NDST4: variants seen among roughly 807,000 people sequenced by gnomAD.
The protein encoded by NDST4 is N-heparan sulfate sulfotransferase 4.
Under a neutral mutation model 100.8 loss-of-function variants are expected in NDST4, and 63 were observed. The observed-to-expected ratio is 0.62, with a 90% confidence interval of 0.51 to 0.77. The LOEUF (loss-of-function observed/expected upper bound fraction) is 0.77. NDST4 is among the 30% of genes least tolerant of loss of function. NDST4 has a pLI of 0.00. For missense variants in NDST4, 943 were observed against 1,018.4 expected (o/e 0.93, Z 1.01); for synonymous variants, 377 against 361.8 (o/e 1.04, Z -0.48).
rs141627720 is a variant in NDST4, at chr4:115,018,286, T to C, written c.979-41012A>G. Among the ~76,000 whole-genome samples the C allele has an allele frequency of 7.7e-3, 1,166 of 152,080 alleles. 18 individuals carry two copies. The highest frequency in any genetic ancestry group is 0.017 in the Middle Eastern group (5 of 294). ...ATTACAAACTAGTCATTGACTAGTA[T>C]AACATATAGCAGACAGATTTCTTAG... is the stretch of plus-strand genomic sequence containing the variant. On this transcript the variant is annotated intron_variant, in intron 2 of 13. Transcript: ENST00000264363.
intron 6 of NDST4, among the ~76,000 whole-genome samples, chr4:114,879,245 G>A (rs1028523806): frequency 6.6e-6 from 1 of 152,094 alleles, no homozygotes; most frequent in East Asian, 1.9e-4. Context: ...TCCCCAGGCT[G>A]TGCAATAGGA....
chr4:114,934,181 A>C (rs1725575013), intron 6 of NDST4, among the ~76,000 whole-genome samples: 1 of 152,226 alleles, frequency 6.6e-6, no homozygotes, highest in Non-Finnish European at 1.5e-5. Flanking sequence ...TTAAAAAAGA[A>C]GGAAATCTTG....
intron 9 of NDST4, 58 bp from the exon 10 acceptor site, chr4:114,846,055 G>T: frequency 7.8e-7 from 1 of 1,282,086 alleles, no homozygotes; most frequent in Non-Finnish European, 1.1e-6. Context: ...GCCATATTCT[G>T]AATGTGAAAT....
chr4:114,905,484 A>G (rs1356609822), intron 6 of NDST4, among the ~76,000 whole-genome samples: 1 of 151,942 alleles, frequency 6.6e-6, no homozygotes, highest in Non-Finnish European at 1.5e-5. Context: ...AAAAAAATTT[A>G]GTTATAAAAA....
rs865980882 is a variant in NDST4 at position 114,979,250 on chromosome 4, A to T, written c.979-1976T>A. Among the ~76,000 whole-genome samples, 108 of 151,846 alleles carry T rather than the reference A, an allele frequency of 7.1e-4. 1 individual carries two copies. The highest frequency in any genetic ancestry group is 5.9e-4 in the East Asian group (3 of 5,044). ...TTTTGTATAAAGCCTCCTCTGGTAC[A>T]CCAAAGTAGATTCCTAAATTATTTT... On this transcript the variant is annotated intron_variant, in intron 2 of 13. Coordinates refer to ENST00000264363, the MANE Select transcript of NDST4 (RefSeq NM_022569.3).
intron 6 of NDST4, among the ~76,000 whole-genome samples, chr4:114,903,079 A>T (rs548339636): frequency 1.8e-4 from 28 of 152,150 alleles, no homozygotes; most frequent in African/African-American, 6.5e-4. Context: ...CCATCTCTGA[A>T]CCTTGTTCTG....
rs545563218 is a variant in NDST4, at chr4:115,061,069, A to G, written c.978+14990T>C. On this transcript the variant is annotated intron_variant, in intron 2 of 13. Transcript: ENST00000264363. ...TGCAGCCAACAAACATATGAAAAAAAGCTCATCATCACTGGTCATTAGAGA... is the reference window on the plus strand; with the variant it reads ...TGCAGCCAACAAACATATGAAAAAAGGCTCATCATCACTGGTCATTAGAGA... Among the ~76,000 whole-genome samples, 15 of 152,196 alleles carry G rather than the reference A, an allele frequency of 9.9e-5. No homozygotes were observed. In the East Asian group the frequency reaches 1.7e-3, roughly 18 times the overall value.
Position 115,076,432 on chromosome 4 carries a change from A to G in NDST4, c.605T>C (p.Leu202Pro). Residue 202 changes from leucine to proline, a missense_variant, in exon 2 of 14, where the codon CTG (leucine) becomes CCG (proline). Coordinates refer to ENST00000264363, the MANE Select transcript of NDST4 (RefSeq NM_022569.3). Reference protein sequence around the residue: ...DCFVNPQSPLLHITKAPKVEK... With the variant: ...DCFVNPQSPLPHITKAPKVEK... Reference sequence around the variant, plus strand: ...AACCTTGGGGGCTTTGGTAATATGCAGCAAAGGAGATTGAGGGTTAACAAA... The same window carrying G: ...AACCTTGGGGGCTTTGGTAATATGCGGCAAAGGAGATTGAGGGTTAACAAA... 6.2e-7 allele frequency: 1 copy of G among 1,614,008 alleles called. No individual in the cohort carries two copies. Among genetic ancestry groups the G allele is most frequent in the Non-Finnish European group, 8.5e-7 (1 of 1,179,974 alleles).
chr4:114,867,365 G>C (rs1376971758), intron 7 of NDST4, among the ~76,000 whole-genome samples: 1 of 152,124 alleles, frequency 6.6e-6, no homozygotes, highest in Non-Finnish European at 1.5e-5. Flanking sequence ...CCTAAGGTTA[G>C]TGCTCTGTGG....
intron 1 of NDST4, among the ~76,000 whole-genome samples, chr4:115,099,642 A>G (rs970518427): frequency 2.0e-5 from 3 of 152,162 alleles, no homozygotes; most frequent in African/African-American, 7.2e-5. Context: ...AGAATGGGTA[A>G]AATCTAAAAC....
chr4:115,077,452 A>G (rs1355070184), intron 1 of NDST4, among the ~76,000 whole-genome samples, 170 bp from the exon 2 acceptor site: 3 of 152,202 alleles, frequency 2.0e-5, no homozygotes, highest in African/African-American at 7.2e-5. Context: ...TACCTAGAGT[A>G]TAGTAGATTT....
intron 6 of NDST4, among the ~76,000 whole-genome samples, chr4:114,910,289 T>G (rs986153187): frequency 6.6e-6 from 1 of 152,196 alleles, no homozygotes; most frequent in Non-Finnish European, 1.5e-5. Flanking sequence ...CTCATCTCAT[T>G]CATTCATCTC....
intron 6 of NDST4, among the ~76,000 whole-genome samples, chr4:114,884,635 A>G (rs1724439473): frequency 6.6e-6 from 1 of 152,144 alleles, no homozygotes; most frequent in Admixed American, 6.6e-5. Flanking sequence ...GAAAAGTTAC[A>G]TCAATATTTT....
intron 7 of NDST4, among the ~76,000 whole-genome samples, chr4:114,868,944 T>TTA (rs3077771): frequency 0.11 from 15,601 of 143,452 alleles, 871 homozygotes; most frequent in East Asian, 0.12. Flanking sequence ...CACTTGCAAA[T>TTA]TATATATATA....
intron 4 of NDST4, among the ~76,000 whole-genome samples, chr4:114,965,171 GT>G (rs1020387548): frequency 1.3e-5 from 2 of 151,822 alleles, no homozygotes; most frequent in South Asian, 4.1e-4. Flanking sequence ...GTTATTATCA[GT>G]TTTTTTCTGC....
At chr4:114,937,695 T>A (rs1411399502) in intron 4 of NDST4, among the ~76,000 whole-genome samples, 192 bp from the exon 5 acceptor site, 2 of 152,172 alleles carry the variant, frequency 1.3e-5, no homozygotes, top group Admixed American at 1.3e-4. Context: ...ACAGATATAG[T>A]CATTACTTTG....
chr4:115,051,969 C>A (rs971089754), intron 2 of NDST4, among the ~76,000 whole-genome samples: 1 of 152,022 alleles, frequency 6.6e-6, no homozygotes, highest in African/African-American at 2.4e-5. Flanking sequence ...TTGATCCAAG[C>A]CATTTTAACT....
At chr4:114,900,987 C>G (rs1192001950) in intron 6 of NDST4, among the ~76,000 whole-genome samples, 1 of 151,568 alleles carries the variant, frequency 6.6e-6, no homozygotes, top group Non-Finnish European at 1.5e-5. Context: ...TAGTTTAATT[C>G]CACTATAGTC....
At chr4:114,831,611 C>T (rs1214704807) in intron 12 of NDST4, among the ~76,000 whole-genome samples, 1 of 152,146 alleles carries the variant, frequency 6.6e-6, no homozygotes, top group Non-Finnish European at 1.5e-5. Flanking sequence ...ATGCCGAGGT[C>T]TCAGGATGGG....
Sources: allele counts gnomAD v4.1 joint callset (sites outside exome capture counted in the v4.1 genomes callset), GRCh38; gene constraint gnomAD v4.1.1; transcripts MANE v1.5; gene names NCBI Gene and HGNC (gene_info 2026-07-23, HGNC 2026-07-21).